Variants in SPOCK3 observed in about 807,000 individuals in gnomAD.
The protein encoded by SPOCK3 is SPARC (osteonectin), cwcv and kazal like domains proteoglycan 3.
In SPOCK3, 30 loss-of-function variants were observed where a neutral mutation model predicts 56.6. The observed-to-expected ratio is 0.53, with a 90% CI of 0.40 to 0.72. The LOEUF is 0.72. Among genes scored for constraint, SPOCK3 ranks in the 30% least tolerant of loss-of-function variants. The pLI, the probability that SPOCK3 is intolerant of heterozygous loss-of-function variation, is 0.00. For synonymous variants in SPOCK3, 196 were observed against 183.3 expected (o/e 1.07, Z -0.56); for missense variants, 527 against 530.0 (o/e 0.99, Z 0.06).
At chr4:166,887,919 A>G (rs1215168715) in intron 6 of SPOCK3, among the ~76,000 whole-genome samples, 1 of 151,888 alleles carries the variant, frequency 6.6e-6, no homozygotes, top group African/African-American at 2.4e-5. Context: ...TCTTCTACCA[A>G]CTGGTGTCAT....
intron 7 of SPOCK3, among the ~76,000 whole-genome samples, chr4:166,781,344 A>G (rs1255219467): frequency 6.6e-6 from 1 of 152,072 alleles, no homozygotes; most frequent in Non-Finnish European, 1.5e-5. Context: ...AAAACTAGAG[A>G]TGGAAACTAT....
intron 3 of SPOCK3, among the ~76,000 whole-genome samples, chr4:167,004,154 T>C (rs1239661720): frequency 6.6e-6 from 1 of 152,188 alleles, no homozygotes; most frequent in African/African-American, 2.4e-5. Context: ...ATAATTAGAA[T>C]ACATTGTTAA....
intron 2 of SPOCK3, among the ~76,000 whole-genome samples, chr4:167,144,638 TAAGAG>T (rs1346377182): frequency 7.0e-6 from 1 of 143,248 alleles, no homozygotes; most frequent in Non-Finnish European, 1.5e-5. Flanking sequence ...GAAAGATAAA[TAAGAG>T]AAAAGTGGAA....
intron 2 of SPOCK3, among the ~76,000 whole-genome samples, chr4:167,181,943 C>T (rs930526202): frequency 1.6e-4 from 24 of 152,128 alleles, no homozygotes; most frequent in Non-Finnish European, 3.4e-4. Context: ...AGTATCCCCA[C>T]CCAGCACATG....
At chr4:166,911,069 G>T in intron 5 of SPOCK3, among the ~76,000 whole-genome samples, 1 of 152,110 alleles carries the variant, frequency 6.6e-6, no homozygotes, top group East Asian at 1.9e-4. Context: ...CACTAAACTT[G>T]CAAAGCCAAG....
intron 7 of SPOCK3, among the ~76,000 whole-genome samples, chr4:166,769,602 G>T (rs1343709494): frequency 6.6e-6 from 1 of 152,142 alleles, no homozygotes. Context: ...CCCCTACTTG[G>T]GGGGTGCCTC....
At chr4:166,771,660 C>T (rs1738945802) in intron 7 of SPOCK3, among the ~76,000 whole-genome samples, 1 of 151,960 alleles carries the variant, frequency 6.6e-6, no homozygotes, top group South Asian at 2.1e-4. Flanking sequence ...CATTAAATAC[C>T]TGTTGCACAT....
intron 2 of SPOCK3, among the ~76,000 whole-genome samples, chr4:167,156,566 A>G (rs1376839894): frequency 2.0e-5 from 3 of 152,192 alleles, no homozygotes; most frequent in African/African-American, 7.2e-5. Context: ...ACTACAAGAC[A>G]TAAATGAGTT....
intron 3 of SPOCK3, among the ~76,000 whole-genome samples, chr4:167,032,269 C>G (rs1752348227): frequency 6.6e-6 from 1 of 151,822 alleles, no homozygotes. Flanking sequence ...TAAAGATGCT[C>G]AGTTAATATC....
chr4:166,938,081 C>G (rs563472194), intron 4 of SPOCK3, among the ~76,000 whole-genome samples: 18 of 151,968 alleles, frequency 1.2e-4, no homozygotes, highest in Admixed American at 1.2e-3. Context: ...CATGAGCCAC[C>G]GTGCCCAGCC....
chr4:166,960,367 A>G (rs1296851037), intron 4 of SPOCK3, among the ~76,000 whole-genome samples: 4 of 152,222 alleles, frequency 2.6e-5, no homozygotes, highest in African/African-American at 9.6e-5. Flanking sequence ...TAGAAGAAGG[A>G]GAAATAACTT....
intron 7 of SPOCK3, among the ~76,000 whole-genome samples, chr4:166,788,802 TC>T (rs1347581654): frequency 2.0e-5 from 3 of 151,718 alleles, no homozygotes; most frequent in African/African-American, 7.3e-5. Flanking sequence ...TGACTAATCA[TC>T]CTAAAAATGT....
intron 3 of SPOCK3, among the ~76,000 whole-genome samples, chr4:167,049,078 T>C (rs1004948659): frequency 2.6e-5 from 4 of 151,742 alleles, no homozygotes; most frequent in African/African-American, 7.3e-5. Context: ...CATATTCCAA[T>C]GTATTTCAAG....
intron 2 of SPOCK3, among the ~76,000 whole-genome samples, chr4:167,188,455 A>C (rs2110826385): frequency 6.8e-6 from 1 of 146,360 alleles, no homozygotes; most frequent in South Asian, 2.1e-4. Flanking sequence ...TTTAAAATTT[A>C]TCATTAATAT....
intron 2 of SPOCK3, among the ~76,000 whole-genome samples, chr4:167,227,153 GAACT>G (rs969550695): frequency 6.6e-6 from 1 of 152,066 alleles, no homozygotes; most frequent in African/African-American, 2.4e-5. Context: ...AAAAAGAATT[GAACT>G]AATTGGCCAA....
Position 167,000,407 on chromosome 4 carries a change from A to G in SPOCK3, c.292T>C (p.Cys98Arg). ...LKMKCSRHKV[C>R]IAQDSQTAVC... ...GCAGTCTGAGAATCTTGAGCAATGC[A>G]TACTTTATGGCGACTACATTTCATC... Residue 98 changes from cysteine (C) to arginine (R), a missense_variant, in exon 4 of 11, where the codon TGC (cysteine) becomes CGC (arginine). Physicochemically the swap from Cys to Arg is radical, Grantham distance 180. Transcript: ENST00000357545. 1 of 1,609,564 alleles carries G rather than the reference A, an allele frequency of 6.2e-7. No homozygotes were observed. The highest frequency in any genetic ancestry group is 8.5e-7 in the Non-Finnish European group (1 of 1,177,530).
At chr4:167,212,704 A>G (rs1358368621) in intron 2 of SPOCK3, among the ~76,000 whole-genome samples, 2 of 152,184 alleles carry the variant, frequency 1.3e-5, no homozygotes, top group African/African-American at 2.4e-5. Context: ...CCAACAGCCA[A>G]GGGACACATT....
In SPOCK3 at chr4:167,203,514, G is replaced by A. The variant is rs184369562; in HGVS notation, c.189+30471C>T. Among the ~76,000 whole-genome samples, 4 of 151,132 alleles carry A rather than the reference G, an allele frequency of 2.6e-5. No homozygotes were observed. In the Admixed American group the frequency reaches 2.7e-4, roughly 10 times the overall value. The stretch of plus-strand genomic sequence containing the variant: ...AATATTTGTCACTGAAACCTGAGAT[G>A]AGACTGCTTAGGAGATCACAGAAAA... On this transcript the variant is annotated intron_variant, in intron 2 of 10. Coordinates refer to ENST00000357545, the MANE Select transcript of SPOCK3 (RefSeq NM_001040159.2).
At chr4:166,998,644 G>A (rs533541519) in intron 4 of SPOCK3, among the ~76,000 whole-genome samples, 3 of 152,238 alleles carry the variant, frequency 2.0e-5, no homozygotes, top group Admixed American at 6.5e-5. Context: ...TAACTGCGAC[G>A]TCTTTGGTTG....
Sources: gnomAD v4.1 joint callset for allele counts (sites outside exome capture counted in the v4.1 genomes callset) on GRCh38, gnomAD v4.1.1 for gene constraint, MANE v1.5 for transcripts, NCBI Gene and HGNC (gene_info 2026-07-23, HGNC 2026-07-21) for gene names.